NTM: variants seen among roughly 807,000 people sequenced by gnomAD.
The protein encoded by NTM is neurotrimin, also known as IgLON family member 2.
NTM carries 13 observed loss-of-function variants against 42.1 expected under a neutral mutation model. The ratio of observed to expected loss-of-function variants is 0.31; its 90% confidence interval spans 0.20 to 0.49. NTM has a LOEUF of 0.49. Ranked by LOEUF, NTM falls within the 20% of genes least tolerant of loss-of-function variation. The probability of loss-of-function intolerance (pLI) is 0.99; values close to 1 mark genes in which losing one functional copy is unlikely to be tolerated. For synonymous variants in NTM, 187 were observed against 179.2 expected, an observed-to-expected ratio of 1.04 and a Z score of -0.35; for missense variants, 373 against 452.8, an observed-to-expected ratio of 0.82 and a Z score of 1.60.
intron 1 of NTM, among the ~76,000 whole-genome samples, chr11:131,895,413 C>A (rs985935030): frequency 6.6e-6 from 1 of 152,090 alleles, no homozygotes; most frequent in Non-Finnish European, 1.5e-5. Flanking sequence ...GGTAATAGTA[C>A]CTAGACTACC....
chr11:131,551,610 A>G (rs2054679777), intron 1 of NTM, among the ~76,000 whole-genome samples: 1 of 152,172 alleles, frequency 6.6e-6, no homozygotes, highest in Non-Finnish European at 1.5e-5. Context: ...TTTTCTCTTT[A>G]TACCTCTGTG....
At chr11:131,639,835 A>C (rs1019181065) in intron 1 of NTM, among the ~76,000 whole-genome samples, 13 of 152,190 alleles carry the variant, frequency 8.5e-5, no homozygotes, top group Non-Finnish European at 1.2e-4. Context: ...GGGCGCCTGT[A>C]GTCCCAGCTA....
chr11:131,878,867 C>CT (rs1352606862), intron 1 of NTM, among the ~76,000 whole-genome samples: 2 of 151,860 alleles, frequency 1.3e-5, no homozygotes, highest in Non-Finnish European at 2.9e-5. Flanking sequence ...AGGGGAAGAT[C>CT]TTTGCCTAAG....
At chr11:131,881,126 A>G (rs766728364) in intron 1 of NTM, among the ~76,000 whole-genome samples, 1 of 152,232 alleles carries the variant, frequency 6.6e-6, no homozygotes, top group South Asian at 2.1e-4. Flanking sequence ...CCCTGGTTTC[A>G]TGGCTCATTT....
chr11:132,293,833 CTA>C (rs2094530872), intron 4 of NTM, among the ~76,000 whole-genome samples: 1 of 152,152 alleles, frequency 6.6e-6, no homozygotes. Flanking sequence ...TATGTATTGT[CTA>C]TGACTGCTTT....
chr11:131,938,686 C>A (rs2059483682), intron 2 of NTM, among the ~76,000 whole-genome samples: 1 of 152,132 alleles, frequency 6.6e-6, no homozygotes, highest in Non-Finnish European at 1.5e-5. Flanking sequence ...TCCGGAGCTT[C>A]CTGTGGCTGT....
At chr11:131,729,462 CT>C (rs1565476010) in intron 1 of NTM, among the ~76,000 whole-genome samples, 1 of 152,138 alleles carries the variant, frequency 6.6e-6, no homozygotes, top group Non-Finnish European at 1.5e-5. Context: ...AAAAAACACC[CT>C]TTTAAAGTGC....
chr11:131,504,849 C>T (rs1046851673), intron 1 of NTM, among the ~76,000 whole-genome samples: 5 of 152,124 alleles, frequency 3.3e-5, no homozygotes, highest in East Asian at 1.9e-4. Context: ...GCCTGCACCC[C>T]GCTCCAGCCT....
intron 1 of NTM, among the ~76,000 whole-genome samples, chr11:131,429,009 C>A (rs1024266540): frequency 6.6e-6 from 1 of 151,750 alleles, no homozygotes; most frequent in South Asian, 2.1e-4. Context: ...AAGCCGAGAT[C>A]GTGCAGCTGC....
At chr11:131,888,330 A>C (rs1378405263) in intron 1 of NTM, among the ~76,000 whole-genome samples, 1 of 152,098 alleles carries the variant, frequency 6.6e-6, no homozygotes. Flanking sequence ...GAATGAGACC[A>C]TGGATACCAC....
chr11:132,136,063 C>T (rs1462672068), intron 2 of NTM, among the ~76,000 whole-genome samples: 1 of 152,122 alleles, frequency 6.6e-6, no homozygotes, highest in African/African-American at 2.4e-5. Context: ...CCCTGGGGAC[C>T]CCTTCCTCTC....
At chr11:131,418,269 AG>A (rs1204045691) in intron 1 of NTM, among the ~76,000 whole-genome samples, 2 of 152,214 alleles carry the variant, frequency 1.3e-5, no homozygotes, top group African/African-American at 4.8e-5. Flanking sequence ...GTGATGTTAG[AG>A]GACTCATAGA....
chr11:131,760,193 G>A (rs537074031), intron 1 of NTM, among the ~76,000 whole-genome samples: 7 of 152,294 alleles, frequency 4.6e-5, no homozygotes, highest in Admixed American at 1.3e-4. Flanking sequence ...GTTGATAGAG[G>A]GAGAAGGTTC....
chr11:131,466,290 A>G (rs76765932), intron 1 of NTM, among the ~76,000 whole-genome samples: 1,534 of 152,296 alleles, frequency 0.01, 26 homozygotes, highest in African/African-American at 0.035. Flanking sequence ...TGCAGCCCAG[A>G]TTTATTGACT....
At chr11:132,251,153 G>A (rs192329301) in intron 4 of NTM, among the ~76,000 whole-genome samples, 72 of 152,272 alleles carry the variant, frequency 4.7e-4, no homozygotes, top group African/African-American at 1.5e-3. Context: ...CTCCCACCTT[G>A]GGGATGCAGC....
intron 2 of NTM, among the ~76,000 whole-genome samples, chr11:131,959,439 G>A (rs2061899197): frequency 6.6e-6 from 1 of 152,030 alleles, no homozygotes; most frequent in Non-Finnish European, 1.5e-5. Context: ...ACCAGCCTGG[G>A]CAACATAGAG....
rs544901743 is a variant in NTM, at chr11:132,230,318, G to A, written c.526+18171G>A. ...CTATATCAGCATGTTTATCTTTAGA[G>A]CAGCACTGTGAAGTAGGTAATAATG... is the stretch of plus-strand genomic sequence containing the variant. On this transcript the variant is annotated intron_variant, in intron 4 of 8. Coordinates refer to ENST00000683400, the MANE Select transcript of NTM (RefSeq NM_001352005.2). Among the ~76,000 whole-genome samples, 304 of 152,356 alleles carry A rather than the reference G, an allele frequency of 2.0e-3. 3 individuals are homozygous for A. The highest frequency in any genetic ancestry group is 6.9e-3 in the African/African-American group (287 of 41,584).
chr11:131,942,755 G>A (rs1218019444), intron 2 of NTM, among the ~76,000 whole-genome samples: 1 of 152,026 alleles, frequency 6.6e-6, no homozygotes, highest in Non-Finnish European at 1.5e-5. Context: ...AGACCAGCCT[G>A]GCCCACATGG....
Position 132,330,657 on chromosome 11 carries a change from T to C in NTM, c.967+472T>C, listed in dbSNP as rs200600775. On this transcript the variant is annotated intron_variant, in intron 8 of 8. Transcript: ENST00000683400. ...GAGGTTCTTGGGTGAGTCACTTGGC[T>C]ACGAATAAAATGCATCTTATTTGAA... Among the ~76,000 whole-genome samples, 10 of 152,180 alleles carry C rather than the reference T, an allele frequency of 6.6e-5. No homozygotes were observed. In the East Asian group the frequency reaches 1.9e-3, roughly 29 times the overall value.
Sources: allele counts gnomAD v4.1 joint callset (sites outside exome capture counted in the v4.1 genomes callset), GRCh38; gene constraint gnomAD v4.1.1; transcripts MANE v1.5; gene names NCBI Gene and HGNC (gene_info 2026-07-23, HGNC 2026-07-21).